TEX36: variants seen among roughly 807,000 people sequenced by gnomAD.
TEX36 encodes the protein testis expressed 36.
Under a neutral mutation model 13.6 loss-of-function variants are expected in TEX36, and 12 were observed. The ratio of observed to expected loss-of-function variants is 0.88; its 90% CI spans 0.56 to 1.43. TEX36 has a LOEUF of 1.43. TEX36 is among the 40% of genes most tolerant of loss of function. The probability of loss-of-function intolerance (pLI) is 0.00; values close to 1 mark genes in which losing one functional copy is unlikely to be tolerated. For synonymous variants in TEX36, 93 were observed against 83.0 expected (o/e 1.12, Z -0.65); for missense variants, 224 against 228.3 (o/e 0.98, Z 0.12).
At chr10:125,581,860 G>A (rs1209945475) in intron 3 of TEX36, among the ~76,000 whole-genome samples, 1 of 152,202 alleles carries the variant, frequency 6.6e-6, no homozygotes, top group African/African-American at 2.4e-5. Context: ...GCCATGAACT[G>A]GGCATATCCC....
chr10:125,597,342 GA>G (rs201603866), intron 3 of TEX36, among the ~76,000 whole-genome samples: 5 of 150,352 alleles, frequency 3.3e-5, no homozygotes, highest in Admixed American at 2.0e-4. Flanking sequence ...CCAGTGCACA[GA>G]AAAAAAAACA....
chr10:125,667,047 G>A (rs1315870710), intron 1 of TEX36: 19 of 1,482,268 alleles, frequency 1.3e-5, no homozygotes, highest in Non-Finnish European at 1.8e-5. Context: ...GCAGAGGCCT[G>A]CAGGGCTCGG....
At chr10:125,679,583 C>T (rs1163826265) in intron 1 of TEX36, among the ~76,000 whole-genome samples, 4 of 152,134 alleles carry the variant, frequency 2.6e-5, no homozygotes, top group Non-Finnish European at 5.9e-5. Context: ...TGTGGGCTGC[C>T]GGAAGTCTCT....
chr10:125,600,027 G>T lies in TEX36; in HGVS notation c.265-23153C>A, dbSNP rs114056533. ...ATTTCAGGATTGGCTGTCTGATTCA[G>T]CCCTAACGTCTCTAGCCCAGTTCAG... On this transcript the variant is annotated intron_variant, in intron 3 of 3. Coordinates refer to the TEX36 transcript ENST00000532135. Among the ~76,000 whole-genome samples, 802 of 152,308 alleles carry T rather than the reference G, an allele frequency of 5.3e-3. 9 individuals are homozygous for T. Among genetic ancestry groups the T allele is most frequent in the African/African-American group, 0.018 (733 of 41,558 alleles).
In TEX36 at chr10:125,595,827, G is replaced by A. The variant is rs77965701; in HGVS notation, c.265-18953C>T. Among the ~76,000 whole-genome samples, 907 of 152,218 alleles carry A rather than the reference G, an allele frequency of 6.0e-3. 4 individuals are homozygous for A. Among genetic ancestry groups the A allele is most frequent in the Middle Eastern group, 0.014 (4 of 294 alleles). The stretch of plus-strand genomic sequence containing the variant: ...TGTTTACTTCTCTGCCTAGTACATA[G>A]CATTACCTAGTTATTGTCTCCCTGT... On this transcript the variant is annotated intron_variant, in intron 3 of 3. Transcript: ENST00000532135.
chr10:125,667,854 C>A, intron 1 of TEX36: 1 of 1,510,776 alleles, frequency 6.6e-7, no homozygotes, highest in Non-Finnish European at 9.2e-7. Context: ...GACTCATCTG[C>A]AGCCAGGATG....
chr10:125,661,131 A>G, intron 2 of TEX36, 30 bp from the exon 3 acceptor site: 1 of 1,510,078 alleles, frequency 6.6e-7, no homozygotes. Context: ...GGGAAAGAGC[A>G]CACATTAGAA....
intron 3 of TEX36, among the ~76,000 whole-genome samples, chr10:125,659,552 T>C (rs1164057209): frequency 6.6e-6 from 1 of 152,164 alleles, no homozygotes; most frequent in Non-Finnish European, 1.5e-5. Context: ...AAGCACCCCA[T>C]GTACAGAGGC....
At chr10:125,651,285 A>G (rs1846851313), downstream of TEX36, among the ~76,000 whole-genome samples, 1 of 152,146 alleles carries the variant, frequency 6.6e-6, no homozygotes, top group Admixed American at 6.5e-5. Flanking sequence ...GCACATCAAA[A>G]AGCTTATCCA....
chr10:125,640,547 T>A (rs1846675843), intron 3 of TEX36, among the ~76,000 whole-genome samples: 1 of 152,216 alleles, frequency 6.6e-6, no homozygotes, highest in South Asian at 2.1e-4. Context: ...TACCGCGTGT[T>A]AAATGAGATG....
At chr10:125,620,875 T>C (rs1846422835), downstream of TEX36, among the ~76,000 whole-genome samples, 1 of 152,322 alleles carries the variant, frequency 6.6e-6, no homozygotes, top group Non-Finnish European at 1.5e-5. Context: ...TAGAATCATA[T>C]AGCATGTGTG....
chr10:125,632,679 C>G (rs1040675790), intron 3 of TEX36, among the ~76,000 whole-genome samples: 4 of 152,182 alleles, frequency 2.6e-5, no homozygotes, highest in African/African-American at 9.7e-5. Flanking sequence ...GCTGCACGAG[C>G]TGCTCAGCTA....
intron 3 of TEX36, among the ~76,000 whole-genome samples, chr10:125,636,728 G>A (rs745961103): frequency 2.0e-5 from 3 of 152,074 alleles, no homozygotes; most frequent in Non-Finnish European, 2.9e-5. Context: ...CTCCAGTCAC[G>A]TCTCTCTCAC....
chr10:125,647,927 G>A (rs774090639), intron 3 of TEX36, among the ~76,000 whole-genome samples: 11 of 152,178 alleles, frequency 7.2e-5, no homozygotes, highest in Non-Finnish European at 1.3e-4. Flanking sequence ...GTCTGAGATC[G>A]AACTGCAAGG....
chr10:125,640,636 C>T (rs1846676614), intron 3 of TEX36, among the ~76,000 whole-genome samples: 1 of 152,130 alleles, frequency 6.6e-6, no homozygotes, highest in Admixed American at 6.5e-5. Context: ...CTCAACATGG[C>T]ACCAGGATTA....
intron 3 of TEX36, among the ~76,000 whole-genome samples, chr10:125,614,854 T>C (rs1482089584): frequency 6.6e-6 from 1 of 152,194 alleles, no homozygotes; most frequent in African/African-American, 2.4e-5. Context: ...TGGCATTGAA[T>C]CTGTAAATTA....
chr10:125,626,771 C>T (rs1565177824), intron 3 of TEX36, among the ~76,000 whole-genome samples: 1 of 152,160 alleles, frequency 6.6e-6, no homozygotes, highest in Non-Finnish European at 1.5e-5. Context: ...CAACACCGAA[C>T]ACTACAGTCA....
At chr10:125,635,628 C>T (rs1310450743) in intron 3 of TEX36, among the ~76,000 whole-genome samples, 1 of 152,162 alleles carries the variant, frequency 6.6e-6, no homozygotes, top group Non-Finnish European at 1.5e-5. Context: ...TCTCTTGTCC[C>T]CCAGCACTGC....
intron 3 of TEX36, among the ~76,000 whole-genome samples, chr10:125,586,694 C>A (rs1243921922): frequency 1.3e-5 from 2 of 150,258 alleles, no homozygotes; most frequent in African/African-American, 4.9e-5. Context: ...GTAGTCCCAG[C>A]TACTCAGGAG....
Sources: gnomAD v4.1 joint callset for allele counts (sites outside exome capture counted in the v4.1 genomes callset) on GRCh38, gnomAD v4.1.1 for gene constraint, MANE v1.5 for transcripts, NCBI Gene and HGNC (gene_info 2026-07-23, HGNC 2026-07-21) for gene names.